The following APMAP variants were observed in gnomAD, a reference collection of about 807,000 sequenced individuals.
The protein encoded by APMAP is adipocyte plasma membrane-associated protein.
APMAP carries 33 observed loss-of-function variants against 43.6 expected under a neutral mutation model. The ratio of observed to expected loss-of-function variants is 0.76; its 90% CI spans 0.57 to 1.01. APMAP has a LOEUF of 1.01. Among genes scored for constraint, APMAP ranks in the 50% least tolerant of loss-of-function variants. The probability of loss-of-function intolerance (pLI) is 0.00; values close to 1 mark genes in which losing one functional copy is unlikely to be tolerated. For synonymous variants in APMAP, 224 were observed against 216.7 expected, an observed-to-expected ratio of 1.03 and a Z score of -0.30; for missense variants, 498 against 540.7, an observed-to-expected ratio of 0.92 and a Z score of 0.78.
chr20:24,985,653 T>C (rs1218192293), intron 1 of APMAP, among the ~76,000 whole-genome samples: 2 of 152,206 alleles, frequency 1.3e-5, no homozygotes, highest in Non-Finnish European at 2.9e-5. Context: ...GGGGTGTTGC[T>C]GTAACAGATA....
At chr20:24,971,603 G>A (rs2088001577) in intron 4 of APMAP, 27 bp from the exon 5 acceptor site, 4 of 1,584,800 alleles carry the variant, frequency 2.5e-6, no homozygotes, top group African/African-American at 1.4e-5. Context: ...ATGGGGATTG[G>A]TAGCTGGTCC....
chr20:24,990,915 A>G (rs1275336956), intron 1 of APMAP, among the ~76,000 whole-genome samples: 1 of 152,252 alleles, frequency 6.6e-6, no homozygotes, highest in Admixed American at 6.5e-5. Flanking sequence ...GGAAACAGGA[A>G]CAATGTTCAT....
At chr20:24,978,656 G>C in intron 3 of APMAP, 111 bp downstream of exon 3, 1 of 827,406 alleles carries the variant, frequency 1.2e-6, no homozygotes, top group South Asian at 1.6e-5. Flanking sequence ...AGAAGGATGT[G>C]CAGGGCCCCA....
chr20:24,963,992 C>T lies in APMAP; in HGVS notation c.1072G>A (p.Val358Met), dbSNP rs767278761. 5 of 1,614,248 alleles carry T rather than the reference C, an allele frequency of 3.1e-6. No homozygotes were observed. Among genetic ancestry groups the T allele is most frequent in the Non-Finnish European group, 3.4e-6 (4 of 1,180,044 alleles). Residue 358 changes from valine to methionine, a missense_variant, in exon 9 of 9, where the codon GTG (valine) becomes ATG (methionine). Val to Met is a conservative substitution (Grantham distance 21). Transcript: ENST00000217456. ...TCTAGGACGAGGCTGTACCGCGGCACAAACTTCATCACCGTCTCTTGACTA... is the reference window on the plus strand; with the variant it reads ...TCTAGGACGAGGCTGTACCGCGGCATAAACTTCATCACCGTCTCTTGACTA... ...LFSQETVMKF[V>M]PRYSLVLELS...
intron 2 of APMAP, among the ~76,000 whole-genome samples, chr20:24,982,138 G>A (rs866225532): frequency 6.6e-6 from 1 of 152,056 alleles, no homozygotes; most frequent in African/African-American, 2.4e-5. Flanking sequence ...CAGGAGAGAG[G>A]TCCCTGTTGG....
In APMAP at chr20:24,964,036, C is replaced by A; in HGVS notation, c.1042-14G>T. 4 of 1,613,724 alleles carry A rather than the reference C, an allele frequency of 2.5e-6. No homozygotes were observed. The South Asian group carries it at 3.3e-5, about 13-fold the overall frequency. ...TTGACTAAAGAGCTAGAGGGAAGCA[C>A]AGTGCAGGGAAAGTTCACCAGCTGG... On this transcript the variant is annotated splice_polypyrimidine_tract_variant and intron_variant, in intron 8 of 8. Transcript: ENST00000217456.
At chr20:24,984,258 C>T (rs2088129764) in intron 1 of APMAP, among the ~76,000 whole-genome samples, 1 of 152,104 alleles carries the variant, frequency 6.6e-6, no homozygotes, top group Admixed American at 6.5e-5. Flanking sequence ...TACGTTGGAT[C>T]AGTTACTTTC....
chr20:24,985,996 T>C (rs1486926770), intron 1 of APMAP, among the ~76,000 whole-genome samples: 1 of 152,166 alleles, frequency 6.6e-6, no homozygotes, highest in Non-Finnish European at 1.5e-5. Context: ...CCTGCAGTTA[T>C]GTGAAAAGCA....
At chr20:24,983,371 T>C (rs2088120428) in intron 2 of APMAP, among the ~76,000 whole-genome samples, 1 of 152,214 alleles carries the variant, frequency 6.6e-6, no homozygotes, top group Non-Finnish European at 1.5e-5. Flanking sequence ...TCATAGATCG[T>C]CACACTGATG....
intron 2 of APMAP, 109 bp from the exon 3 acceptor site, chr20:24,978,991 C>T: frequency 1.2e-6 from 1 of 812,786 alleles, no homozygotes; most frequent in South Asian, 1.5e-5. Flanking sequence ...TTTCTAACAA[C>T]ATCCTCAGTT....
chr20:24,975,125 A>G (rs2088039797), intron 3 of APMAP, among the ~76,000 whole-genome samples: 1 of 152,210 alleles, frequency 6.6e-6, no homozygotes, highest in Non-Finnish European at 1.5e-5. Flanking sequence ...AGAACAAGGC[A>G]AAGATGCCCC....
intron 4 of APMAP, 124 bp from the exon 5 acceptor site, chr20:24,971,700 T>G: frequency 2.4e-6 from 2 of 831,074 alleles, no homozygotes. Flanking sequence ...GACAAGACCA[T>G]GGCATTAGAG....
chr20:24,964,496 A>G, intron 8 of APMAP: 1 of 469,124 alleles, frequency 2.1e-6, no homozygotes, highest in East Asian at 6.9e-5. Context: ...AAAAAAAGCA[A>G]GCAGGTCCAC....
At chr20:24,973,931 G>A (rs909722837) in intron 3 of APMAP, among the ~76,000 whole-genome samples, 194 bp from the exon 4 acceptor site, 1 of 152,192 alleles carries the variant, frequency 6.6e-6, no homozygotes, top group Admixed American at 6.5e-5. Flanking sequence ...AACTGCGGGG[G>A]CCTAGGGAAG....
At chr20:24,975,737 TAA>T (rs1184330691) in intron 3 of APMAP, among the ~76,000 whole-genome samples, 1 of 152,146 alleles carries the variant, frequency 6.6e-6, no homozygotes, top group Non-Finnish European at 1.5e-5. Context: ...AGGAAAAGAA[TAA>T]AGTCAGAGGA....
In APMAP at chr20:24,975,770, G is replaced by C. The variant is rs139540040; in HGVS notation, c.329-2033C>G. Among the ~76,000 whole-genome samples, 1,075 of 152,296 alleles carry C rather than the reference G, an allele frequency of 7.1e-3. 15 individuals carry two copies. Among genetic ancestry groups the C allele is most frequent in the African/African-American group, 0.025 (1,027 of 41,554 alleles). On this transcript the variant is annotated intron_variant, in intron 3 of 8. Coordinates refer to ENST00000217456, the MANE Select transcript of APMAP (RefSeq NM_020531.3). ...GAGGACTGAAACTACTCAACTTCAA[G>C]ATTCTCTATAAAGCTACAGTAATCA... is the stretch of plus-strand genomic sequence containing the variant.
chr20:24,977,538 G>A (rs992564286), intron 3 of APMAP, among the ~76,000 whole-genome samples: 2 of 152,194 alleles, frequency 1.3e-5, no homozygotes, highest in African/African-American at 4.8e-5. Context: ...GGCAGAGACA[G>A]CAGTGGCAGG....
intron 3 of APMAP, 133 bp downstream of exon 3, chr20:24,978,634 C>T (rs1019669938): frequency 2.3e-5 from 16 of 686,212 alleles, no homozygotes; most frequent in African/African-American, 3.6e-5. Context: ...CCAAGTCCCA[C>T]GTCCGCAGCT....
At chr20:24,973,777 CT>C (rs113014324) in intron 3 of APMAP, 40 bp from the exon 4 acceptor site, 25 of 1,584,886 alleles carry the variant, frequency 1.6e-5, no homozygotes, top group African/African-American at 1.3e-4. Flanking sequence ...CAATGTTAGC[CT>C]AAGAAATGTG....
Sources: allele counts gnomAD v4.1 joint callset (sites outside exome capture counted in the v4.1 genomes callset), GRCh38; gene constraint gnomAD v4.1.1; transcripts MANE v1.5; gene names NCBI Gene and HGNC (gene_info 2026-07-23, HGNC 2026-07-21).